The following GPD2 variants were observed in gnomAD, a reference collection of about 807,000 sequenced individuals.
GPD2 encodes the protein glycerol-3-phosphate dehydrogenase, mitochondrial.
GPD2 carries 54 observed loss-of-function variants against 82.4 expected under a neutral mutation model. The observed-to-expected ratio is 0.66, with a 90% CI of 0.53 to 0.82. The LOEUF is 0.82. GPD2 is among the 40% of genes least tolerant of loss of function. The pLI, the probability that GPD2 is intolerant of heterozygous loss-of-function variation, is 0.00. For missense variants in GPD2, 748 were observed against 896.2 expected, an observed-to-expected ratio of 0.83 and a Z score of 2.11; for synonymous variants, 288 against 306.1, an observed-to-expected ratio of 0.94 and a Z score of 0.62.
chr2:156,507,732 G>C (rs1421335106), intron 3 of GPD2, among the ~76,000 whole-genome samples: 1 of 152,152 alleles, frequency 6.6e-6, no homozygotes, highest in African/African-American at 2.4e-5. Flanking sequence ...TTACTTACTT[G>C]TGAGAAACAG....
chr2:156,463,633 G>A (rs536877344), intron 1 of GPD2, among the ~76,000 whole-genome samples: 1 of 152,290 alleles, frequency 6.6e-6, no homozygotes, highest in African/African-American at 2.4e-5. Flanking sequence ...GCCTGAAATC[G>A]CAGAGCAAGT....
intron 9 of GPD2, among the ~76,000 whole-genome samples, chr2:156,559,643 G>A (rs1687095356): frequency 6.6e-6 from 1 of 152,046 alleles, no homozygotes; most frequent in Non-Finnish European, 1.5e-5. Flanking sequence ...AGTATTAATT[G>A]CTTTTAATCT....
At chr2:156,526,170 T>G (rs959314413) in intron 6 of GPD2, among the ~76,000 whole-genome samples, 2 of 152,162 alleles carry the variant, frequency 1.3e-5, no homozygotes, top group Non-Finnish European at 1.5e-5. Flanking sequence ...TGTTAACTGC[T>G]TAGATCAAAA....
intron 5 of GPD2, 123 bp downstream of exon 5, chr2:156,512,440 A>G: frequency 1.4e-6 from 1 of 714,448 alleles, no homozygotes; most frequent in Admixed American, 1.9e-5. Context: ...CTAATCTTTA[A>G]TCCTTTTGAA....
chr2:156,456,417 A>T (rs1186869018), intron 1 of GPD2, among the ~76,000 whole-genome samples: 1 of 152,120 alleles, frequency 6.6e-6, no homozygotes, highest in Non-Finnish European at 1.5e-5. Context: ...CAGTCTGGCC[A>T]ATATGACGAA....
chr2:156,575,997 G>T (rs1477559529), intron 13 of GPD2, among the ~76,000 whole-genome samples: 2 of 152,144 alleles, frequency 1.3e-5, no homozygotes, highest in Non-Finnish European at 2.9e-5. Flanking sequence ...ATGATGGATT[G>T]AAACAATGGG....
chr2:156,530,013 T>C (rs2105303766), intron 6 of GPD2, among the ~76,000 whole-genome samples: 1 of 151,654 alleles, frequency 6.6e-6, no homozygotes. Context: ...GCATTGAATC[T>C]GTAAATTACC....
intron 3 of GPD2, among the ~76,000 whole-genome samples, chr2:156,503,592 AAG>A (rs1382266329): frequency 6.6e-6 from 1 of 152,180 alleles, no homozygotes; most frequent in East Asian, 1.9e-4. Context: ...AGTTATTGAA[AAG>A]AGATAGATGT....
At chr2:156,519,912 T>A (rs1036356796) in intron 6 of GPD2, among the ~76,000 whole-genome samples, 8 of 152,230 alleles carry the variant, frequency 5.3e-5, no homozygotes, top group African/African-American at 1.9e-4. Flanking sequence ...AGCAGCTCAG[T>A]GGAGAGTCAG....
intron 6 of GPD2, among the ~76,000 whole-genome samples, chr2:156,538,646 C>T (rs1224471431): frequency 6.6e-6 from 1 of 151,668 alleles, no homozygotes; most frequent in Admixed American, 6.6e-5. Flanking sequence ...CGGTGAAACC[C>T]CGTCTCTACT....
chr2:156,462,283 CT>C lies in GPD2; in HGVS notation c.-8-13810del, dbSNP rs1265764491. 3.3e-5 allele frequency among the ~76,000 whole-genome samples: 5 copies of C among 151,564 alleles called. No individual in the cohort carries two copies. In the East Asian group the frequency reaches 9.7e-4, roughly 29 times the overall value. ...GTACCTGGTTTGACATTCTTTTTTTCTTTTTCTTTTTTCTTTTTTGAGATGG... is the reference window on the plus strand; with the variant it reads ...GTACCTGGTTTGACATTCTTTTTTTCTTTTCTTTTTTCTTTTTTGAGATGG... On this transcript the variant is annotated intron_variant, in intron 1 of 16. Transcript: ENST00000438166.
the GPD2 span, among the ~76,000 whole-genome samples, chr2:156,416,519 T>G: frequency 8.1e-5 from 8 of 99,140 alleles, no homozygotes; most frequent in Admixed American, 3.0e-4. Flanking sequence ...AGCTAGTTTT[T>G]TTTTTTTTTT....
At chr2:156,426,086 G>A in the GPD2 span, among the ~76,000 whole-genome samples, 1 of 152,114 alleles carries the variant, frequency 6.6e-6, no homozygotes, top group Non-Finnish European at 1.5e-5. Context: ...ACCACGCCAG[G>A]CTAATTTTTT....
At chr2:156,471,602 T>A (rs1369823808) in intron 1 of GPD2, among the ~76,000 whole-genome samples, 1 of 152,208 alleles carries the variant, frequency 6.6e-6, no homozygotes, top group African/African-American at 2.4e-5. Flanking sequence ...TGTCTTTCTC[T>A]ATAACGTTCC....
the GPD2 span, among the ~76,000 whole-genome samples, chr2:156,415,348 T>C: frequency 8.6e-5 from 13 of 151,804 alleles, no homozygotes; most frequent in Middle Eastern, 3.4e-3. Flanking sequence ...TTAGTAGAGA[T>C]GGGGTTTCAC....
intron 12 of GPD2, 84 bp downstream of exon 12, chr2:156,570,302 T>A: frequency 7.7e-7 from 1 of 1,295,562 alleles, no homozygotes; most frequent in Non-Finnish European, 1.1e-6. Context: ...AAATTATATG[T>A]AGCTAAGTTT....
chr2:156,470,260 T>A (rs981329756), intron 1 of GPD2, among the ~76,000 whole-genome samples: 3 of 152,048 alleles, frequency 2.0e-5, no homozygotes, highest in Admixed American at 6.6e-5. Flanking sequence ...AGTGGTATGA[T>A]CATGGCTCAT....
intron 4 of GPD2, 77 bp downstream of exon 4, chr2:156,510,997 C>A (rs1684978586): frequency 3.3e-6 from 4 of 1,196,290 alleles, no homozygotes; most frequent in Non-Finnish European, 5.0e-6. Flanking sequence ...GTTTTTTTTT[C>A]TTTAATGGCT....
At chr2:156,416,787 G>C in the GPD2 span, among the ~76,000 whole-genome samples, 1 of 152,002 alleles carries the variant, frequency 6.6e-6, no homozygotes, top group African/African-American at 2.4e-5. Flanking sequence ...ATTGGCAATA[G>C]ACACAATAAA....
Sources: gnomAD v4.1 joint callset for allele counts (sites outside exome capture counted in the v4.1 genomes callset) on GRCh38, gnomAD v4.1.1 for gene constraint, MANE v1.5 for transcripts, NCBI Gene and HGNC (gene_info 2026-07-23, HGNC 2026-07-21) for gene names.